The following HORMAD2 variants were observed in gnomAD, a reference collection of about 807,000 sequenced individuals.
The protein encoded by HORMAD2 is HORMA domain-containing protein 2.
Under a neutral mutation model 38.8 loss-of-function variants are expected in HORMAD2, and 45 were observed. That is an observed-to-expected ratio of 1.16 (90% CI 0.91 to 1.49). The LOEUF (loss-of-function observed/expected upper bound fraction) is 1.49, where lower values mean the gene tolerates loss of function less well. Ranked by LOEUF, HORMAD2 falls within the 40% of genes most tolerant of loss-of-function variation. HORMAD2 has a pLI of 0.00. For missense variants in HORMAD2, 338 were observed against 367.0 expected (o/e 0.92, Z 0.65); for synonymous variants, 126 against 122.8 (o/e 1.03, Z -0.17).
At chr22:30,190,024 A>G in the HORMAD2 span, among the ~76,000 whole-genome samples, 2 of 152,182 alleles carry the variant, frequency 1.3e-5, no homozygotes, top group African/African-American at 4.8e-5. Flanking sequence ...AGAGACTACT[A>G]GCTGGCAATG....
the HORMAD2 span, among the ~76,000 whole-genome samples, chr22:30,198,019 T>C: frequency 9.5e-5 from 4 of 41,950 alleles, no homozygotes; most frequent in African/African-American, 2.8e-4. Context: ...CTACTAAAAA[T>C]ATATTAAAAA....
chr22:30,137,232 A>G (rs1923728500), intron 10 of HORMAD2: 1 of 588,076 alleles, frequency 1.7e-6, no homozygotes, highest in African/African-American at 1.8e-5. Context: ...ATGCAACTTC[A>G]TCATTCTGCA....
At chr22:30,193,455 C>T in the HORMAD2 span, among the ~76,000 whole-genome samples, 1 of 152,120 alleles carries the variant, frequency 6.6e-6, no homozygotes, top group African/African-American at 2.4e-5. Context: ...ATCATTAAAC[C>T]TTGTGAAAGG....
At chr22:30,140,333 T>A (rs1923991412) in intron 10 of HORMAD2, among the ~76,000 whole-genome samples, 1 of 152,162 alleles carries the variant, frequency 6.6e-6, no homozygotes, top group African/African-American at 2.4e-5. Context: ...ATCTTCTACT[T>A]TTTGGAAGAG....
intron 5 of HORMAD2, among the ~76,000 whole-genome samples, chr22:30,106,444 A>G (rs1415748909): frequency 6.6e-6 from 1 of 152,216 alleles, no homozygotes; most frequent in Non-Finnish European, 1.5e-5. Context: ...AATGGGAAGT[A>G]TGGGAAAGGA....
At chr22:30,196,744 T>C in the HORMAD2 span, among the ~76,000 whole-genome samples, 1 of 152,206 alleles carries the variant, frequency 6.6e-6, no homozygotes, top group African/African-American at 2.4e-5. Context: ...GAGGTTTCTG[T>C]GCATGTGGGG....
intron 10 of HORMAD2, among the ~76,000 whole-genome samples, chr22:30,123,682 G>T (rs925098679): frequency 6.8e-6 from 1 of 147,380 alleles, no homozygotes; most frequent in African/African-American, 2.5e-5. Flanking sequence ...TATTTATTTA[G>T]GGAAAGAGTC....
intron 1 of HORMAD2, among the ~76,000 whole-genome samples, chr22:30,086,350 C>T (rs890784583): frequency 1.3e-5 from 2 of 151,990 alleles, no homozygotes; most frequent in Admixed American, 6.6e-5. Context: ...GACTAATACA[C>T]CATATCTATG....
At chr22:30,105,705 T>C (rs913813042) in intron 5 of HORMAD2, among the ~76,000 whole-genome samples, 1 of 152,222 alleles carries the variant, frequency 6.6e-6, no homozygotes, top group African/African-American at 2.4e-5. Flanking sequence ...TGAATTCATA[T>C]GCAGGGCTGA....
intron 4 of HORMAD2, among the ~76,000 whole-genome samples, chr22:30,104,165 A>G (rs1921015501): frequency 6.6e-6 from 1 of 152,196 alleles, no homozygotes; most frequent in Non-Finnish European, 1.5e-5. Flanking sequence ...TCAGTGTACT[A>G]AACATGGGAT....
chr22:30,194,065 C>T, the HORMAD2 span, among the ~76,000 whole-genome samples: 543 of 152,288 alleles, frequency 3.6e-3, 3 homozygotes, highest in African/African-American at 0.012. Context: ...CACTCATCAT[C>T]ACTCAACTCT....
intron 8 of HORMAD2, 37 bp from the exon 9 acceptor site, chr22:30,121,595 G>A (rs752841022): frequency 6.6e-6 from 10 of 1,514,132 alleles, no homozygotes; most frequent in Non-Finnish European, 8.0e-6. Context: ...TGCCACTATT[G>A]TATATGATCA....
At chr22:30,181,642 T>C (rs1926722533), downstream of HORMAD2, among the ~76,000 whole-genome samples, 1 of 152,236 alleles carries the variant, frequency 6.6e-6, no homozygotes, top group Non-Finnish European at 1.5e-5. Context: ...TAGCTGTCTT[T>C]AAATTTATGA....
rs1920929798 is a variant in HORMAD2 at position 30,099,563 on chromosome 22, GT to G, written c.193+573del. ...ATCTTATTGTCTTATACTACAAGCT[GT>G]TTCTGGCCCCTTTTCTTCTCTTATT... is the stretch of plus-strand genomic sequence containing the variant. On this transcript the variant is annotated intron_variant, in intron 3 of 10. Coordinates refer to ENST00000336726, the MANE Select transcript of HORMAD2 (RefSeq NM_152510.4). 3.3e-5 allele frequency among the ~76,000 whole-genome samples: 5 copies of G among 152,132 alleles called. No homozygotes were observed. In the South Asian group the frequency reaches 1.0e-3, roughly 32 times the overall value.
At chr22:30,121,597 A>G in intron 8 of HORMAD2, 35 bp from the exon 9 acceptor site, 1 of 1,519,880 alleles carries the variant, frequency 6.6e-7, no homozygotes, top group Non-Finnish European at 8.8e-7. Flanking sequence ...CCACTATTGT[A>G]TATGATCAAA....
At chr22:30,104,323 TGC>T in intron 4 of HORMAD2, 76 bp from the exon 5 acceptor site, 1 of 1,113,212 alleles carries the variant, frequency 9.0e-7, no homozygotes, top group East Asian at 2.4e-5. Context: ...AAGCAAAAAG[TGC>T]AAATGAATTC....
chr22:30,202,399 AT>A, the HORMAD2 span, among the ~76,000 whole-genome samples: 103 of 145,664 alleles, frequency 7.1e-4, no homozygotes, highest in Admixed American at 1.7e-3. Flanking sequence ...AGTGGAATGG[AT>A]TTTTTTTTTT....
chr22:30,139,534 C>G (rs1045033200), intron 10 of HORMAD2, among the ~76,000 whole-genome samples: 3 of 151,568 alleles, frequency 2.0e-5, no homozygotes, highest in Non-Finnish European at 2.9e-5. Context: ...AAAAGCATGC[C>G]ATCTGCAAAT....
chr22:30,103,315 GC>G lies in HORMAD2; in HGVS notation c.194-121del, dbSNP rs1920971263. ...TTAGAGATCCAAAATGTTTTTATAAGCTATAAAACTAAATAAATTACATAAA... is the reference window on the plus strand; with the variant it reads ...TTAGAGATCCAAAATGTTTTTATAAGTATAAAACTAAATAAATTACATAAA... On this transcript the variant is annotated intron_variant, in intron 3 of 10. Transcript: ENST00000336726. The G allele has an allele frequency of 4.8e-6, 3 of 629,062 alleles. No individual in the cohort carries two copies. In the South Asian group the frequency reaches 5.6e-5, roughly 12 times the overall value. The allele number at this position is 629,062 out of a possible 1,614,324, so 39.0% of individuals were successfully genotyped here. A position where few individuals can be genotyped will look rare whatever the true frequency, so the allele number is the denominator to read the frequency against.
Sources: allele counts gnomAD v4.1 joint callset (sites outside exome capture counted in the v4.1 genomes callset), GRCh38; gene constraint gnomAD v4.1.1; transcripts MANE v1.5; gene names NCBI Gene and HGNC (gene_info 2026-07-23, HGNC 2026-07-21).